Variants in USP31 observed in about 807,000 individuals in gnomAD.
USP31 encodes ubiquitin specific peptidase 31, also known as ubiquitin carboxyl-terminal hydrolase 31.
A neutral mutation model predicts 119.4 loss-of-function variants in USP31; 44 were observed. The observed-to-expected ratio is 0.37, with a 90% CI of 0.29 to 0.47. The LOEUF (loss-of-function observed/expected upper bound fraction) is 0.47. Among genes scored for constraint, USP31 ranks in the 20% least tolerant of loss-of-function variants. The pLI is 0.99. For missense variants in USP31, 1,643 were observed against 1,730.2 expected (o/e 0.95, Z 0.89); for synonymous variants, 749 against 705.6 (o/e 1.06, Z -0.97).
At chr16:23,114,091 C>A (rs1489464412) in intron 1 of USP31, among the ~76,000 whole-genome samples, 1 of 149,394 alleles carries the variant, frequency 6.7e-6, no homozygotes, top group Non-Finnish European at 1.5e-5. Flanking sequence ...GGCAACAGAG[C>A]AAGACCCTTA....
chr16:23,110,531 G>A (rs1902274434), intron 1 of USP31, among the ~76,000 whole-genome samples: 1 of 152,144 alleles, frequency 6.6e-6, no homozygotes, highest in African/African-American at 2.4e-5. Context: ...AGAGTAGGAG[G>A]AGATGAAACA....
Position 23,082,450 on chromosome 16 carries a change from C to CT in USP31, c.1937dup (p.Arg647GlufsTer31). ...AGGATTTCCATACCTGCCGAAATCTCTTTAGATGTATAATAAGCACATCAG... is the reference window on the plus strand; with the variant it reads ...AGGATTTCCATACCTGCCGAAATCTCTTTTAGATGTATAATAAGCACATCAG... On this transcript the variant is annotated frameshift_variant, in exon 12 of 16. Transcript: ENST00000219689. LOFTEE classifies it high-confidence loss of function. The CT allele has an allele frequency of 6.2e-7, 1 of 1,614,148 alleles. No individual in the cohort carries two copies. Among genetic ancestry groups the CT allele is most frequent in the Non-Finnish European group, 8.5e-7 (1 of 1,180,020 alleles).
chr16:23,137,300 T>C (rs901152673), intron 1 of USP31, among the ~76,000 whole-genome samples: 12 of 152,176 alleles, frequency 7.9e-5, no homozygotes, highest in African/African-American at 2.7e-4. Flanking sequence ...TAACAAATGT[T>C]GGTGAAGATG....
rs1439952782 is a variant in USP31 at position 23,099,991 on chromosome 16, C to CA, written c.1234+2327dup. Reference sequence around the variant, plus strand: ...CCATAATGAGATACCACTTCATACCCACTACAATAGCTAAAATTAAAGAGT... The same window carrying CA: ...CCATAATGAGATACCACTTCATACCCAACTACAATAGCTAAAATTAAAGAGT... On this transcript the variant is annotated intron_variant, in intron 6 of 15. Transcript: ENST00000219689. Among the ~76,000 whole-genome samples the CA allele has an allele frequency of 2.6e-5, 4 of 152,244 alleles. No individual in the cohort carries two copies. In the East Asian group the frequency reaches 5.8e-4, roughly 22 times the overall value.
Position 23,065,402 on chromosome 16 carries a change from G to C in USP31, c.*2644C>G, listed in dbSNP as rs919191799. 1 of 151,294 alleles carries C rather than the reference G, an allele frequency of 6.6e-6. No individual in the cohort carries two copies. The highest frequency in any genetic ancestry group is 2.4e-5 in the African/African-American group (1 of 41,092). 9.4% of individuals were successfully genotyped at this position (151,294 alleles called of 1,614,324 possible). ...CTACCAATGAACTAAATTGAATCAA[G>C]TAACTACTTTCCCACAAGATACTTC... On this transcript the variant is annotated 3_prime_UTR_variant, in exon 16 of 16. Coordinates refer to ENST00000219689, the MANE Select transcript of USP31 (RefSeq NM_020718.4).
intron 1 of USP31, among the ~76,000 whole-genome samples, chr16:23,121,919 T>C (rs1902681636): frequency 6.6e-6 from 1 of 152,180 alleles, no homozygotes; most frequent in Non-Finnish European, 1.5e-5. Flanking sequence ...AATACATTCA[T>C]TACAACCAGA....
chr16:23,101,399 T>A, intron 6 of USP31, among the ~76,000 whole-genome samples: 1 of 152,154 alleles, frequency 6.6e-6, no homozygotes, highest in East Asian at 1.9e-4. Context: ...CCTGTAGGAT[T>A]TCTAAGTAGA....
chr16:23,130,033 T>C (rs965333696), intron 1 of USP31, among the ~76,000 whole-genome samples: 12 of 152,186 alleles, frequency 7.9e-5, no homozygotes, highest in Admixed American at 7.9e-4. Context: ...CTATTCCTGA[T>C]TATCAGTCCT....
chr16:23,079,755 A>C (rs886787625), intron 13 of USP31, 191 bp downstream of exon 13: 1 of 539,188 alleles, frequency 1.9e-6, no homozygotes, highest in Non-Finnish European at 3.1e-6. Flanking sequence ...GGACGACCCA[A>C]CTCAGGAAAA....
At chr16:23,072,302 GAT>G in intron 14 of USP31, 105 bp from the exon 15 acceptor site, 1 of 1,471,554 alleles carries the variant, frequency 6.8e-7, no homozygotes. Context: ...GGGGGGCGTT[GAT>G]GTCCTCACCC....
In USP31 at chr16:23,117,751, C is replaced by CTTTTTTTTT. The variant is rs67615111; in HGVS notation, c.634-9577_634-9569dup. On this transcript the variant is annotated intron_variant, in intron 1 of 15. Coordinates refer to ENST00000219689, the MANE Select transcript of USP31 (RefSeq NM_020718.4). Reference sequence around the variant, plus strand: ...TACTACGTTTGATTTTTTTCCTTTTCTTTTTTTTTTTGTTGTTGTTGTTGT... The same window carrying CTTTTTTTTT: ...TACTACGTTTGATTTTTTTCCTTTTCTTTTTTTTTTTTTTTTTTTTGTTGTTGTTGTTGT... Among the ~76,000 whole-genome samples, 414 of 141,568 alleles carry CTTTTTTTTT rather than the reference C, an allele frequency of 2.9e-3. 3 individuals carry two copies. Among genetic ancestry groups the CTTTTTTTTT allele is most frequent in the African/African-American group, 9.5e-3 (370 of 39,104 alleles). The allele number at this position is 141,568 out of a possible 152,430, so 92.9% of individuals were successfully genotyped here.
rs1017654802 is a variant in USP31, at chr16:23,067,952, G to C, written c.*94C>G. The C allele has an allele frequency of 6.7e-7, 1 of 1,484,702 alleles. No homozygotes were observed. Among genetic ancestry groups the C allele is most frequent in the Non-Finnish European group, 9.0e-7 (1 of 1,115,928 alleles). 92.0% of individuals were successfully genotyped at this position (1,484,702 alleles called of 1,614,324 possible). A position where few individuals can be genotyped will look rare whatever the true frequency, so the allele number is the denominator to read the frequency against. On this transcript the variant is annotated 3_prime_UTR_variant, in exon 16 of 16. Coordinates refer to ENST00000219689, the MANE Select transcript of USP31 (RefSeq NM_020718.4). ...ACAGTCGGGCACGTGACTCAAAAAA[G>C]TACAAAACAAAAGCACAGGAGGCTT...
At chr16:23,073,999 T>C (rs763724754) in intron 13 of USP31, 119 bp from the exon 14 acceptor site, 24 of 1,339,618 alleles carry the variant, frequency 1.8e-5, no homozygotes, top group Admixed American at 5.5e-5. Flanking sequence ...AGGCTGCGTA[T>C]AGCAACACAG....
chr16:23,108,650 G>T (rs1902203625), intron 1 of USP31, among the ~76,000 whole-genome samples: 2 of 152,122 alleles, frequency 1.3e-5, no homozygotes, highest in Non-Finnish European at 2.9e-5. Flanking sequence ...ATGTATTCTT[G>T]TAAAAATCAT....
At chr16:23,094,176 G>C (rs111626233) in intron 6 of USP31, among the ~76,000 whole-genome samples, 1 of 152,060 alleles carries the variant, frequency 6.6e-6, no homozygotes, top group East Asian at 1.9e-4. Context: ...CTCAGCAACC[G>C]GCAGACAAGG....
In USP31 at chr16:23,067,388, G is replaced by A. The variant is rs900874766; in HGVS notation, c.*658C>T. ...TCGAAAATGTCTATCTGTGGCAGTA[G>A]GAGAAATGACACAGTCACCCACATG... On this transcript the variant is annotated 3_prime_UTR_variant, in exon 16 of 16. Transcript: ENST00000219689. The A allele has an allele frequency of 6.6e-6, 1 of 152,634 alleles. No individual in the cohort carries two copies. Among genetic ancestry groups the A allele is most frequent in the Admixed American group, 6.5e-5 (1 of 15,280 alleles). 9.5% of individuals were successfully genotyped at this position (152,634 alleles called of 1,614,324 possible).
rs1326877781 is a variant in USP31 at position 23,106,425 on chromosome 16, T to C, written c.834A>G (p.Val278=). The change falls in exon 3 of 16, where the codon GTA becomes GTG. Residue 278 remains valine (V), a synonymous_variant. Transcript: ENST00000219689. ...GPSFPVCSTF[V]QELFQAQYRS... is the part of the protein sequence containing the mutation. ...TGTATTGCGCTTGAAAGAGTTCTTG[T>C]ACAAAAGTGCTACAGACAGGGAAAG... 3 of 1,613,706 alleles carry C rather than the reference T, an allele frequency of 1.9e-6. No individual in the cohort carries two copies. Among genetic ancestry groups the C allele is most frequent in the African/African-American group, 1.3e-5 (1 of 74,886 alleles).
chr16:23,065,005 G>A lies in USP31; in HGVS notation c.*3041C>T, dbSNP rs1279159511. 1 of 152,210 alleles carries A rather than the reference G, an allele frequency of 6.6e-6. No individual in the cohort carries two copies. The highest frequency in any genetic ancestry group is 1.5e-5 in the Non-Finnish European group (1 of 68,050). 9.4% of individuals were successfully genotyped at this position (152,210 alleles called of 1,614,324 possible). On this transcript the variant is annotated 3_prime_UTR_variant, in exon 16 of 16. Transcript: ENST00000219689. ...ACAAAACGGATGGGAAATGGTCTAAGATGACTGGAGCCTAACGGTTTGAGT... is the reference window on the plus strand; with the variant it reads ...ACAAAACGGATGGGAAATGGTCTAAAATGACTGGAGCCTAACGGTTTGAGT...
At position 23,069,209 on chromosome 16, in the gene USP31, G is replaced by C. The variant is rs1900237659; in HGVS notation, c.2896C>G (p.Gln966Glu). 27 of 1,614,234 alleles carry C rather than the reference G, an allele frequency of 1.7e-5. No individual in the cohort carries two copies. The highest frequency in any genetic ancestry group is 2.3e-5 in the Non-Finnish European group (27 of 1,180,048). Reference protein sequence around the residue: ...RRLNSSVVDTQSKHSAQGDRL... With the variant: ...RRLNSSVVDTESKHSAQGDRL... The stretch of plus-strand genomic sequence containing the variant: ...TCCCCTTGTGCTGAATGTTTGCTCT[G>C]TGTATCTACGACACTGGAGTTCAAT... The change falls in exon 16 of 16, where the codon CAG (glutamine) becomes GAG (glutamate). Residue 966 changes from glutamine to glutamate, a missense_variant. This residue lies in a region of USP31 where 699 missense variants were observed against 650.9 expected (regional missense o/e 1.07). Transcript: ENST00000219689.
Sources: allele counts gnomAD v4.1 joint callset (sites outside exome capture counted in the v4.1 genomes callset), GRCh38; gene constraint gnomAD v4.1.1; regional missense constraint gnomAD v4.1.1; transcripts MANE v1.5; gene names NCBI Gene and HGNC (gene_info 2026-07-23, HGNC 2026-07-21).